Variants in CSMD3 observed in about 807,000 individuals in gnomAD.
CSMD3 encodes CUB and sushi domain-containing protein 3.
In CSMD3, 177 loss-of-function variants were observed where a neutral mutation model predicts 435.2. That is an observed-to-expected ratio of 0.41 (90% CI 0.36 to 0.46). The LOEUF (loss-of-function observed/expected upper bound fraction) is 0.46. Ranked by LOEUF, CSMD3 falls within the 20% of genes least tolerant of loss-of-function variation. The pLI, the probability that CSMD3 is intolerant of heterozygous loss-of-function variation, is 0.34. For synonymous variants in CSMD3, 1,656 were observed against 1,520.5 expected, an observed-to-expected ratio of 1.09 and a Z score of -2.07; for missense variants, 4,265 against 4,504.6, an observed-to-expected ratio of 0.95 and a Z score of 1.52.
intron 27 of CSMD3, among the ~76,000 whole-genome samples, chr8:112,543,655 G>C (rs953358492): frequency 1.3e-5 from 2 of 152,016 alleles, no homozygotes; most frequent in Non-Finnish European, 2.9e-5. Context: ...CAGCCACTAT[G>C]GAAAATATTA....
chr8:113,137,385 T>A (rs1211391853), intron 4 of CSMD3, among the ~76,000 whole-genome samples: 1 of 151,550 alleles, frequency 6.6e-6, no homozygotes, highest in Non-Finnish European at 1.5e-5. Context: ...ATAAAAAGAG[T>A]TTATTAATTC....
chr8:113,349,789 G>A (rs573302394), intron 1 of CSMD3, among the ~76,000 whole-genome samples: 2 of 152,074 alleles, frequency 1.3e-5, no homozygotes, highest in South Asian at 2.1e-4. Context: ...AACTTCCAAC[G>A]ATGTAGTATG....
intron 2 of CSMD3, chr8:113,313,495 G>C (rs1045452267): frequency 2.6e-5 from 4 of 151,802 alleles, no homozygotes; most frequent in Non-Finnish European, 5.9e-5. Flanking sequence ...CTAATTTTTT[G>C]TATTTTTAGT....
At position 112,287,236 on chromosome 8, in the gene CSMD3, A is replaced by T. The variant is rs147090926; in HGVS notation, c.9159T>A (p.Thr3053=). ...GSQPHCSGDA[T]GTCGDPGTPG... ...GAGTACCTGGATCGCCACATGTCCC[A>T]GTAGCATCACCTGCAATGCAGTACA... Residue 3053 remains threonine (T), a synonymous_variant, in exon 58 of 71, where the codon ACT becomes ACA. Transcript: ENST00000297405. 6.2e-7 allele frequency: 1 copy of T among 1,613,630 alleles called. No homozygotes were observed. The highest frequency in any genetic ancestry group is 1.7e-5 in the Admixed American group (1 of 59,884).
chr8:113,212,887 T>C (rs1262777784), intron 3 of CSMD3, among the ~76,000 whole-genome samples: 1 of 139,132 alleles, frequency 7.2e-6, no homozygotes, highest in Non-Finnish European at 1.5e-5. Flanking sequence ...TAAAGTATAA[T>C]AAAAAATATA....
chr8:113,168,680 T>C (rs765537810), intron 4 of CSMD3, among the ~76,000 whole-genome samples: 7 of 151,996 alleles, frequency 4.6e-5, no homozygotes, highest in Non-Finnish European at 8.8e-5. Context: ...TTTATTATTA[T>C]ATTTAAGCAC....
intron 51 of CSMD3, among the ~76,000 whole-genome samples, chr8:112,305,280 C>A (rs977774778): frequency 6.6e-6 from 1 of 152,024 alleles, no homozygotes; most frequent in African/African-American, 2.4e-5. Context: ...GTGATATCAA[C>A]TTTAGCTAAT....
intron 6 of CSMD3, among the ~76,000 whole-genome samples, chr8:112,983,808 G>A (rs1279749048): frequency 1.3e-5 from 2 of 151,882 alleles, no homozygotes; most frequent in East Asian, 1.9e-4. Flanking sequence ...AGGTGTGGGT[G>A]GCTAGGAAGG....
At chr8:112,270,343 AGTGTGT>A (rs10577337) in intron 59 of CSMD3, among the ~76,000 whole-genome samples, 11,200 of 124,150 alleles carry the variant, frequency 0.09, 500 homozygotes, top group South Asian at 0.12. Context: ...CAGAGGGGTG[AGTGTGT>A]GTGTGTGTGT....
chr8:113,296,263 T>G (rs2093720641), intron 2 of CSMD3, among the ~76,000 whole-genome samples: 3 of 149,648 alleles, frequency 2.0e-5, no homozygotes, highest in Non-Finnish European at 3.0e-5. Context: ...AACCTGCATA[T>G]TGTGCACATG....
chr8:112,265,616 G>A (rs2130417564), intron 59 of CSMD3, 26 bp from the exon 60 acceptor site: 1 of 1,540,218 alleles, frequency 6.5e-7, no homozygotes, highest in Non-Finnish European at 9.0e-7. Context: ...TAGAAGAGCA[G>A]ATGGTTAATG....
intron 4 of CSMD3, among the ~76,000 whole-genome samples, chr8:113,120,397 A>T (rs1253985668): frequency 6.6e-6 from 1 of 152,144 alleles, no homozygotes; most frequent in Admixed American, 6.6e-5. Context: ...TGCATGTTTT[A>T]TTATTTATTC....
At chr8:112,261,472 G>A (rs1385847479) in intron 61 of CSMD3, among the ~76,000 whole-genome samples, 1 of 151,724 alleles carries the variant, frequency 6.6e-6, no homozygotes, top group African/African-American at 2.4e-5. Context: ...CCTAAATTCT[G>A]GGTTTCTCAT....
At chr8:113,403,417 A>C (rs1233017160) in intron 1 of CSMD3, among the ~76,000 whole-genome samples, 1 of 151,346 alleles carries the variant, frequency 6.6e-6, no homozygotes, top group African/African-American at 2.4e-5. Context: ...CCTCTAGTCT[A>C]AGAAATATAT....
At chr8:112,317,127 A>G (rs1822548838) in intron 47 of CSMD3, among the ~76,000 whole-genome samples, 1 of 151,958 alleles carries the variant, frequency 6.6e-6, no homozygotes, top group Non-Finnish European at 1.5e-5. Context: ...TAACTTTATT[A>G]GCTAGTATCT....
At chr8:112,551,649 C>T (rs901328319) in intron 26 of CSMD3, among the ~76,000 whole-genome samples, 7 of 151,856 alleles carry the variant, frequency 4.6e-5, no homozygotes, top group Middle Eastern at 3.4e-3. Context: ...AAACAATGCA[C>T]GACTTAGACT....
chr8:113,088,792 A>G (rs2089898805), intron 5 of CSMD3, among the ~76,000 whole-genome samples: 1 of 151,472 alleles, frequency 6.6e-6, no homozygotes, highest in Non-Finnish European at 1.5e-5. Flanking sequence ...GCACACCAGT[A>G]TGGCACATGT....
intron 1 of CSMD3, among the ~76,000 whole-genome samples, chr8:113,366,546 G>A (rs1341748645): frequency 4.6e-5 from 7 of 151,886 alleles, no homozygotes; most frequent in East Asian, 1.9e-4. Flanking sequence ...TTCCAACACC[G>A]CCAGTGATTT....
At chr8:112,880,850 G>A (rs769310535) in intron 10 of CSMD3, among the ~76,000 whole-genome samples, 40 of 152,018 alleles carry the variant, frequency 2.6e-4, no homozygotes, top group Non-Finnish European at 2.6e-4. Flanking sequence ...GAGTAATATG[G>A]TAAGCCTATA....
Sources: allele counts gnomAD v4.1 joint callset (sites outside exome capture counted in the v4.1 genomes callset), GRCh38; gene constraint gnomAD v4.1.1; transcripts MANE v1.5; gene names NCBI Gene and HGNC (gene_info 2026-07-23, HGNC 2026-07-21).